Variants in AGA observed in about 807,000 individuals in gnomAD.
The protein encoded by AGA is aspartylglucosaminidase, also known as N(4)-(beta-N-acetylglucosaminyl)-L-asparaginase.
In AGA, 31 loss-of-function variants were observed where a neutral mutation model predicts 40.1. The ratio of observed to expected loss-of-function variants is 0.77; its 90% CI spans 0.58 to 1.04. The LOEUF (loss-of-function observed/expected upper bound fraction) is 1.04. AGA is among the 50% of genes least tolerant of loss of function. The probability of loss-of-function intolerance (pLI) is 0.00; values close to 1 mark genes in which losing one functional copy is unlikely to be tolerated. For synonymous variants in AGA, 148 were observed against 144.0 expected (o/e 1.03, Z -0.20); for missense variants, 445 against 435.4 (o/e 1.02, Z -0.20).
intron 5 of AGA, among the ~76,000 whole-genome samples, chr4:177,436,689 C>T (rs1254649164): frequency 1.3e-5 from 2 of 152,226 alleles, no homozygotes; most frequent in African/African-American, 2.4e-5. Context: ...CTGCCAGCGC[C>T]TTGACCTTGA....
intron 1 of AGA, among the ~76,000 whole-genome samples, chr4:177,441,270 C>T (rs1737000628): frequency 6.6e-6 from 1 of 152,152 alleles, no homozygotes. Context: ...CTTTTCGTCT[C>T]ATTATGGCTG....
chr4:177,432,939 G>A (rs574902858), intron 8 of AGA, among the ~76,000 whole-genome samples: 7 of 152,122 alleles, frequency 4.6e-5, no homozygotes, highest in Admixed American at 1.3e-4. Flanking sequence ...ACGTGTACTG[G>A]AGCTGAAGCT....
chr4:177,435,866 C>T (rs904647220), intron 6 of AGA, among the ~76,000 whole-genome samples: 1 of 151,838 alleles, frequency 6.6e-6, no homozygotes, highest in East Asian at 1.9e-4. Context: ...CACACACACA[C>T]ACACACACCC....
intron 3 of AGA, 38 bp downstream of exon 3, chr4:177,439,538 A>G (rs952568086): frequency 1.4e-6 from 2 of 1,426,672 alleles, no homozygotes; most frequent in Non-Finnish European, 2.0e-6. Flanking sequence ...ACTATAGTCA[A>G]AAGACTAGAA....
At chr4:177,435,768 C>T (rs759625787) in intron 6 of AGA, among the ~76,000 whole-genome samples, 9 of 151,730 alleles carry the variant, frequency 5.9e-5, no homozygotes, top group Non-Finnish European at 1.2e-4. Flanking sequence ...CACACCCACA[C>T]CAGTGGGAGC....
rs141152141 is a variant in AGA at position 177,435,693 on chromosome 4, C to A, written c.698+583G>T. Among the ~76,000 whole-genome samples the A allele has an allele frequency of 3.6e-3, 545 of 152,152 alleles. 4 individuals carry two copies. The highest frequency in any genetic ancestry group is 0.013 in the African/African-American group (522 of 41,506). On this transcript the variant is annotated intron_variant, in intron 6 of 8. Transcript: ENST00000264595. ...TCTTCCAATACCACTTCCCCTACCC[C>A]AAAATACACACACACCCCCACACCC...
intron 5 of AGA, 169 bp downstream of exon 5, chr4:177,437,236 T>A: frequency 1.7e-6 from 1 of 601,540 alleles, no homozygotes; most frequent in Non-Finnish European, 2.9e-6. Context: ...ATAAATAATT[T>A]GCCAAATTTT....
rs760099526 is a variant in AGA, at chr4:177,442,272, G to C, written c.104C>G (p.Pro35Arg). Residue 35 changes from proline to arginine, a missense_variant, in exon 1 of 9, where the codon CCC (proline) becomes CGC (arginine). By Grantham distance (103) the Pro-to-Arg change is moderately radical (BLOSUM62 -2). Transcript: ENST00000264595. ...SPLPLVVNTW[P>R]FKNATEAAWR... is the part of the protein sequence containing the mutation. ...ACCTGCTTCGGTTGCATTCTTAAAG[G>C]GCCAAGTGTTGACGACCAGGGGCAG... 1 of 1,613,948 alleles carries C rather than the reference G, an allele frequency of 6.2e-7. No individual in the cohort carries two copies. The highest frequency in any genetic ancestry group is 1.1e-5 in the South Asian group (1 of 91,082).
At chr4:177,439,096 G>A (rs987502828) in intron 3 of AGA, among the ~76,000 whole-genome samples, 1 of 151,928 alleles carries the variant, frequency 6.6e-6, no homozygotes, top group Non-Finnish European at 1.5e-5. Flanking sequence ...AAGAGTTCTC[G>A]TCCCGGCCAG....
chr4:177,437,632 C>A, intron 4 of AGA, 113 bp from the exon 5 acceptor site: 1 of 715,770 alleles, frequency 1.4e-6, no homozygotes, highest in Non-Finnish European at 2.5e-6. Flanking sequence ...CATCTGGTAA[C>A]TTAAAGATAA....
Position 177,430,870 on chromosome 4 carries a change from T to C in AGA, c.*838A>G, listed in dbSNP as rs1264076067. The C allele has an allele frequency of 2.2e-6, 1 of 454,094 alleles. No homozygotes were observed. Among genetic ancestry groups the C allele is most frequent in the Non-Finnish European group, 4.4e-6 (1 of 226,780 alleles). The allele number at this position is 454,094 out of a possible 1,614,324, so 28.1% of individuals were successfully genotyped here. On this transcript the variant is annotated 3_prime_UTR_variant, in exon 9 of 9. Coordinates refer to ENST00000264595, the MANE Select transcript of AGA (RefSeq NM_000027.4). ...TGAGAAAGCACGCGCACAACTTCTG[T>C]AGAGTTGTCATACAGAGAGTTAATC...
At chr4:177,438,941 C>CTTA (rs1736907385) in intron 3 of AGA, 84 bp from the exon 4 acceptor site, 1 of 820,044 alleles carries the variant, frequency 1.2e-6, no homozygotes, top group Non-Finnish European at 2.1e-6. Context: ...CATTCTGGGT[C>CTTA]AGCAGCATCT....
chr4:177,437,820 A>G (rs946404870), intron 4 of AGA, among the ~76,000 whole-genome samples: 4 of 152,166 alleles, frequency 2.6e-5, no homozygotes, highest in Non-Finnish European at 5.9e-5. Context: ...CAATAGTAAA[A>G]TTTTTTAAAA....
rs2111015862 is a variant in AGA, at chr4:177,437,507, C to CT, written c.519dup (p.Asp174ArgfsTer23). ...TAGGGTCCGCAGTATTTTGAGGGAT[C>CT]TGGTATAACATTCTGTAAACAAGAT... On this transcript the variant is annotated frameshift_variant, in exon 5 of 9. Transcript: ENST00000264595. LOFTEE classifies it high-confidence loss of function. The CT allele has an allele frequency of 6.2e-7, 1 of 1,604,564 alleles. No individual in the cohort carries two copies. Among genetic ancestry groups the CT allele is most frequent in the Non-Finnish European group, 8.5e-7 (1 of 1,171,472 alleles).
chr4:177,435,863 A>G (rs1736797633), intron 6 of AGA, among the ~76,000 whole-genome samples: 1 of 151,302 alleles, frequency 6.6e-6, no homozygotes, highest in East Asian at 1.9e-4. Context: ...ACACACACAC[A>G]CACACACACA....
intron 4 of AGA, among the ~76,000 whole-genome samples, chr4:177,437,982 T>A (rs1163075842): frequency 6.6e-6 from 1 of 152,254 alleles, no homozygotes; most frequent in Non-Finnish European, 1.5e-5. Context: ...GAATATATTC[T>A]AAGTTGTGCT....
At chr4:177,433,075 A>G (rs1290427679) in intron 8 of AGA, 139 bp downstream of exon 8, 4 of 1,203,374 alleles carry the variant, frequency 3.3e-6, no homozygotes, top group South Asian at 1.3e-5. Context: ...GAGATCATCA[A>G]TGAACATTTA....
intron 6 of AGA, among the ~76,000 whole-genome samples, chr4:177,435,817 C>A (rs555568539): frequency 6.7e-6 from 1 of 149,208 alleles, no homozygotes; most frequent in South Asian, 2.2e-4. Context: ...CACACACACA[C>A]CCCTTCTTTC....
In AGA at chr4:177,442,423, G is replaced by T; in HGVS notation, c.-48C>A. On this transcript the variant is annotated 5_prime_UTR_variant, in exon 1 of 9. Coordinates refer to ENST00000264595, the MANE Select transcript of AGA (RefSeq NM_000027.4). ...CGCGAGAAAAGTCCCGGCAGCCAGC[G>T]ATCGCCGAACAATTAATCCCCAGTG... is the stretch of plus-strand genomic sequence containing the variant. 1.2e-6 allele frequency: 2 copies of T among 1,612,838 alleles called. No individual in the cohort carries two copies. The highest frequency in any genetic ancestry group is 1.7e-6 in the Non-Finnish European group (2 of 1,179,516).
Sources: allele counts gnomAD v4.1 joint callset (sites outside exome capture counted in the v4.1 genomes callset), GRCh38; gene constraint gnomAD v4.1.1; transcripts MANE v1.5; gene names NCBI Gene and HGNC (gene_info 2026-07-23, HGNC 2026-07-21).